ITPKB: variants seen among roughly 807,000 people sequenced by gnomAD.
The protein encoded by ITPKB is inositol-trisphosphate 3-kinase B.
In ITPKB, 13 loss-of-function variants were observed where a neutral mutation model predicts 69.4. The observed-to-expected ratio is 0.19, with a 90% confidence interval of 0.12 to 0.30. ITPKB has a LOEUF of 0.30. Ranked by LOEUF, ITPKB falls within the 10% of genes least tolerant of loss-of-function variation. The pLI is 1.00. For missense variants in ITPKB, 1,240 were observed against 1,250.5 expected (o/e 0.99, Z 0.13); for synonymous variants, 584 against 513.7 (o/e 1.14, Z -1.85).
chr1:226,720,489 G>C (rs1050861668), intron 2 of ITPKB, among the ~76,000 whole-genome samples: 1 of 152,246 alleles, frequency 6.6e-6, no homozygotes, highest in African/African-American at 2.4e-5. Flanking sequence ...TCCTGCCATT[G>C]ATCAGCTGTG....
Position 226,637,863 on chromosome 1 carries a change from C to G in ITPKB, c.2554-113G>C. 1 of 767,020 alleles carries G rather than the reference C, an allele frequency of 1.3e-6. No individual in the cohort carries two copies. Among genetic ancestry groups the G allele is most frequent in the Non-Finnish European group, 2.3e-6 (1 of 443,616 alleles). The allele number at this position is 767,020 out of a possible 1,614,324, so 47.5% of individuals were successfully genotyped here. A position where few individuals can be genotyped will look rare whatever the true frequency, so the allele number is the denominator to read the frequency against. ...CGTGAATGTGCTTTACCCTAAACGCCGGACATCTAGAGGCAGCTTCCTGCG... is the reference window on the plus strand; with the variant it reads ...CGTGAATGTGCTTTACCCTAAACGCGGGACATCTAGAGGCAGCTTCCTGCG... On this transcript the variant is annotated intron_variant, in intron 6 of 7. Coordinates refer to ENST00000429204, the MANE Select transcript of ITPKB (RefSeq NM_002221.4). This position sits in a 1 kb window ranked among gnomAD's most constrained non-coding sequence, Gnocchi z 4.3.
intron 2 of ITPKB, among the ~76,000 whole-genome samples, chr1:226,710,573 C>T (rs899005654): frequency 2.0e-5 from 3 of 152,230 alleles, no homozygotes; most frequent in Admixed American, 2.0e-4. Context: ...CTGCCGTCCT[C>T]TACCAGGTGC....
At chr1:226,724,820 G>C (rs1387472250) in intron 2 of ITPKB, among the ~76,000 whole-genome samples, 7 of 152,204 alleles carry the variant, frequency 4.6e-5, no homozygotes, top group Admixed American at 4.6e-4. Context: ...CAGTGCAGCT[G>C]ACTGGGCTCT....
chr1:226,690,482 G>A (rs1488323544), intron 2 of ITPKB, among the ~76,000 whole-genome samples: 2 of 152,066 alleles, frequency 1.3e-5, no homozygotes, highest in Non-Finnish European at 1.5e-5. Flanking sequence ...GCAGCCTGCA[G>A]TAAACACACT....
At chr1:226,712,080 G>C (rs961675454) in intron 2 of ITPKB, among the ~76,000 whole-genome samples, 1 of 152,202 alleles carries the variant, frequency 6.6e-6, no homozygotes, top group Non-Finnish European at 1.5e-5. Context: ...AGCCGCGAGG[G>C]TGGAAACTTA....
In ITPKB at chr1:226,641,308, G is replaced by T. The variant is rs1668957012; in HGVS notation, c.2451+613C>A. 6.6e-6 allele frequency among the ~76,000 whole-genome samples: 1 copy of T among 152,184 alleles called. No homozygotes were observed. Among genetic ancestry groups the T allele is most frequent in the African/African-American group, 2.4e-5 (1 of 41,450 alleles). On this transcript the variant is annotated intron_variant, in intron 5 of 7. Coordinates refer to ENST00000429204, the MANE Select transcript of ITPKB (RefSeq NM_002221.4). This position sits in a 1 kb window ranked among gnomAD's most constrained non-coding sequence, Gnocchi z 4.6. ...TGCCAGATACACATAGGTACAAAGG[G>T]ATAGAAGGGAAAGAGCCATCATTTT...
rs898521312 is a variant in ITPKB, at chr1:226,738,021, C to T, written c.-205-358G>A. Among the ~76,000 whole-genome samples, 2 of 152,208 alleles carry T rather than the reference C, an allele frequency of 1.3e-5. No individual in the cohort carries two copies. Among genetic ancestry groups the T allele is most frequent in the South Asian group, 2.1e-4 (1 of 4,828 alleles). On this transcript the variant is annotated intron_variant, in intron 1 of 7. Coordinates refer to ENST00000429204, the MANE Select transcript of ITPKB (RefSeq NM_002221.4). This position sits in a 1 kb window ranked among gnomAD's most constrained non-coding sequence, Gnocchi z 4.2. ...CGGGGCGCGGCTGACTCAGCTCTCC[C>T]GGGCTGAGGACACCCCAGCCACCGT...
chr1:226,737,495 C>G lies in ITPKB; in HGVS notation c.-37G>C, dbSNP rs575715235. 18 of 1,482,404 alleles carry G rather than the reference C, an allele frequency of 1.2e-5. No homozygotes were observed. Among genetic ancestry groups the G allele is most frequent in the African/African-American group, 4.4e-5 (3 of 68,950 alleles). 91.8% of individuals were successfully genotyped at this position (1,482,404 alleles called of 1,614,324 possible). A position where few individuals can be genotyped will look rare whatever the true frequency, so the allele number is the denominator to read the frequency against. ...CCGCGCTGCCCGCCGCCGCGGCTCC[C>G]GCTCCTGCTCCGCCGCCGGCGCCTC... On this transcript the variant is annotated 5_prime_UTR_variant, in exon 2 of 8. Coordinates refer to ENST00000429204, the MANE Select transcript of ITPKB (RefSeq NM_002221.4).
At position 226,739,188 on chromosome 1, in the gene ITPKB, G is replaced by A. The variant is rs1158580952; in HGVS notation, c.-353C>T. The A allele has an allele frequency of 6.6e-6, 1 of 152,222 alleles. No individual in the cohort carries two copies. Among genetic ancestry groups the A allele is most frequent in the Non-Finnish European group, 1.5e-5 (1 of 68,050 alleles). The allele number at this position is 152,222 out of a possible 1,614,324, so 9.4% of individuals were successfully genotyped here. On this transcript the variant is annotated 5_prime_UTR_variant, in exon 1 of 8. Transcript: ENST00000429204. ...GACAAAAAAGAGGAGTGCGAAAGAG[G>A]GGGGAAAGCTCTTCGGTTCAGGGGC...
chr1:226,669,895 ATGT>A (rs1253721569), intron 2 of ITPKB, among the ~76,000 whole-genome samples: 1 of 150,494 alleles, frequency 6.6e-6, no homozygotes, highest in Non-Finnish European at 1.5e-5. Flanking sequence ...TTTTTCTGAG[ATGT>A]TGTCTCGAAC....
At chr1:226,725,825 C>A (rs550036890) in intron 2 of ITPKB, among the ~76,000 whole-genome samples, 1 of 152,300 alleles carries the variant, frequency 6.6e-6, no homozygotes, top group South Asian at 2.1e-4. Context: ...TGAAGTGAAA[C>A]CGGGGCGTTA....
intron 2 of ITPKB, among the ~76,000 whole-genome samples, chr1:226,666,111 G>A (rs1335391026): frequency 6.6e-6 from 1 of 152,208 alleles, no homozygotes; most frequent in Non-Finnish European, 1.5e-5. Context: ...CTTCTCAGAA[G>A]ATAAAGAGAG....
At chr1:226,670,700 T>C (rs564952936) in intron 2 of ITPKB, among the ~76,000 whole-genome samples, 1 of 152,370 alleles carries the variant, frequency 6.6e-6, no homozygotes, top group South Asian at 2.1e-4. Flanking sequence ...GCACATTAAC[T>C]TTATACTGGC....
At chr1:226,700,084 C>T (rs1429296676) in intron 2 of ITPKB, among the ~76,000 whole-genome samples, 1 of 152,156 alleles carries the variant, frequency 6.6e-6, no homozygotes, top group Non-Finnish European at 1.5e-5. Flanking sequence ...AGATGGTGCC[C>T]ACCCAGATTA....
chr1:226,730,545 C>A (rs557995702), intron 2 of ITPKB, among the ~76,000 whole-genome samples: 1 of 152,278 alleles, frequency 6.6e-6, no homozygotes, highest in East Asian at 1.9e-4. Flanking sequence ...AAGGTCTCCT[C>A]TCCCACCAAA....
At chr1:226,670,520 C>T (rs1669593404) in intron 2 of ITPKB, among the ~76,000 whole-genome samples, 1 of 152,186 alleles carries the variant, frequency 6.6e-6, no homozygotes, top group Non-Finnish European at 1.5e-5. Flanking sequence ...AGAGGCACAT[C>T]CTTGGGATGG....
In ITPKB at chr1:226,634,802, G is replaced by C. The variant is rs1367164360; in HGVS notation, c.2710C>G (p.Leu904Val). Residue 904 changes from leucine (L) to valine (V), a missense_variant, in exon 8 of 8, where the codon CTG becomes GTG. Coordinates refer to ENST00000429204, the MANE Select transcript of ITPKB (RefSeq NM_002221.4). This position sits in a 1 kb window ranked among gnomAD's most constrained non-coding sequence, Gnocchi z 6.3. ...WMIDFGKTTPLPEGQTLQHDV... is the reference protein window; with the variant it reads ...WMIDFGKTTPVPEGQTLQHDV... ...TGCTGCAGGGTCTGGCCCTCAGGCA[G>C]GGGCGTGGTTTTCCCAAAGTCGATC... is the stretch of plus-strand genomic sequence containing the variant. The C allele has an allele frequency of 6.2e-7, 1 of 1,607,952 alleles. No individual in the cohort carries two copies. Among genetic ancestry groups the C allele is most frequent in the Non-Finnish European group, 8.5e-7 (1 of 1,174,364 alleles).
At chr1:226,683,514 C>T (rs1167823590) in intron 2 of ITPKB, among the ~76,000 whole-genome samples, 2 of 152,110 alleles carry the variant, frequency 1.3e-5, no homozygotes, top group Non-Finnish European at 2.9e-5. Flanking sequence ...GTACCAAGAA[C>T]CCATTCTTCT....
At chr1:226,655,862 G>A (rs1473488538) in intron 2 of ITPKB, among the ~76,000 whole-genome samples, 4 of 152,208 alleles carry the variant, frequency 2.6e-5, no homozygotes, top group East Asian at 1.9e-4. Flanking sequence ...CTTGTATGTC[G>A]TGAGGACTGC....
Sources: gnomAD v4.1 joint callset for allele counts (sites outside exome capture counted in the v4.1 genomes callset) on GRCh38, gnomAD v4.1.1 for gene constraint, Gnocchi (gnomAD v3.1) non-coding constraint, MANE v1.5 for transcripts, NCBI Gene and HGNC (gene_info 2026-07-23, HGNC 2026-07-21) for gene names.